Variants in DPP10 observed in about 807,000 individuals in gnomAD.
DPP10 encodes the protein inactive dipeptidyl peptidase 10.
Under a neutral mutation model 120.9 loss-of-function variants are expected in DPP10, and 33 were observed. The observed-to-expected ratio is 0.27, with a 90% CI of 0.21 to 0.37. The LOEUF is 0.37. Among genes scored for constraint, DPP10 ranks in the 10% least tolerant of loss-of-function variants. The pLI, the probability that DPP10 is intolerant of heterozygous loss-of-function variation, is 1.00. For synonymous variants in DPP10, 337 were observed against 326.1 expected (o/e 1.03, Z -0.36); for missense variants, 816 against 942.8 (o/e 0.87, Z 1.76).
intron 1 of DPP10, among the ~76,000 whole-genome samples, chr2:114,598,682 T>C (rs890527205): frequency 7.2e-5 from 11 of 151,854 alleles, no homozygotes; most frequent in Non-Finnish European, 1.0e-4. Flanking sequence ...TCAAATAAGA[T>C]GTGAACTGGA....
chr2:114,867,477 G>A (rs920734662), intron 1 of DPP10, among the ~76,000 whole-genome samples: 6 of 152,032 alleles, frequency 3.9e-5, no homozygotes, highest in African/African-American at 1.4e-4. Context: ...CTAGGTAGAA[G>A]GTGTCATCCA....
chr2:115,293,827 A>G (rs993965703), intron 1 of DPP10, among the ~76,000 whole-genome samples: 1 of 152,084 alleles, frequency 6.6e-6, no homozygotes, highest in Admixed American at 6.6e-5. Flanking sequence ...GCCTGAATCA[A>G]CATGGACATC....
intron 5 of DPP10, among the ~76,000 whole-genome samples, chr2:115,631,776 C>T (rs539764154): frequency 3.3e-5 from 5 of 152,138 alleles, no homozygotes; most frequent in Non-Finnish European, 5.9e-5. Flanking sequence ...GTCTGAGAGA[C>T]TGGTTGTTAT....
chr2:115,738,036 A>C (rs570164886), intron 8 of DPP10, among the ~76,000 whole-genome samples: 1 of 152,298 alleles, frequency 6.6e-6, no homozygotes, highest in African/African-American at 2.4e-5. Context: ...GCAGCATTCA[A>C]CCATAATGTG....
intron 1 of DPP10, among the ~76,000 whole-genome samples, chr2:115,034,758 T>C (rs1704108111): frequency 6.6e-6 from 1 of 152,238 alleles, no homozygotes; most frequent in Non-Finnish European, 1.5e-5. Context: ...TATATCCAAC[T>C]GAACTCCCGT....
At chr2:114,541,124 C>A (rs1344865735) in intron 1 of DPP10, among the ~76,000 whole-genome samples, 3 of 152,164 alleles carry the variant, frequency 2.0e-5, no homozygotes, top group Non-Finnish European at 2.9e-5. Context: ...GCTTCTCTGG[C>A]AGGGGTTGTG....
intron 19 of DPP10, among the ~76,000 whole-genome samples, chr2:115,803,151 C>G (rs1410048788): frequency 6.6e-6 from 1 of 152,142 alleles, no homozygotes; most frequent in Non-Finnish European, 1.5e-5. Flanking sequence ...ATAGTTAGTT[C>G]TTCTTGTTGA....
intron 1 of DPP10, among the ~76,000 whole-genome samples, chr2:114,632,470 G>T (rs1332798275): frequency 9.6e-5 from 9 of 93,656 alleles, no homozygotes; most frequent in African/African-American, 2.4e-4. Flanking sequence ...CTTTTCTTTT[G>T]TTTGAGCATA....
At chr2:114,584,483 G>T (rs1690783819) in intron 1 of DPP10, among the ~76,000 whole-genome samples, 1 of 151,424 alleles carries the variant, frequency 6.6e-6, no homozygotes, top group South Asian at 2.1e-4. Context: ...CCATGTTGGT[G>T]TGCTGCACCC....
intron 1 of DPP10, among the ~76,000 whole-genome samples, chr2:114,526,692 C>T (rs1685527693): frequency 6.6e-6 from 1 of 152,052 alleles, no homozygotes; most frequent in Non-Finnish European, 1.5e-5. Flanking sequence ...CTTACTGTGT[C>T]CTCGCATGAT....
At chr2:114,954,721 GA>G (rs926953281) in intron 1 of DPP10, among the ~76,000 whole-genome samples, 3 of 151,456 alleles carry the variant, frequency 2.0e-5, no homozygotes, top group Admixed American at 6.6e-5. Flanking sequence ...GCCAGACTAA[GA>G]AAAAAATATA....
intron 3 of DPP10, among the ~76,000 whole-genome samples, chr2:115,430,567 G>C (rs2070881040): frequency 6.6e-6 from 1 of 152,122 alleles, no homozygotes; most frequent in Non-Finnish European, 1.5e-5. Flanking sequence ...CAGAAATAAA[G>C]TAGATCAGGT....
At chr2:115,065,258 T>C (rs889267623) in intron 1 of DPP10, among the ~76,000 whole-genome samples, 5 of 152,220 alleles carry the variant, frequency 3.3e-5, no homozygotes, top group African/African-American at 1.2e-4. Flanking sequence ...TAGAGTTTTT[T>C]AATTACTTTT....
chr2:115,162,334 G>A, intron 1 of DPP10: 1 of 1,450,446 alleles, frequency 6.9e-7, no homozygotes, highest in South Asian at 1.4e-5. Context: ...GGGAGAGGCG[G>A]CCGGGACCAA....
intron 1 of DPP10, among the ~76,000 whole-genome samples, chr2:115,069,033 G>A (rs75584148): frequency 0.012 from 1,790 of 152,088 alleles, 28 homozygotes; most frequent in African/African-American, 0.041. Context: ...GATTACTTTT[G>A]ACTGTTTGGA....
chr2:114,494,401 C>T (rs1323587975), intron 1 of DPP10, among the ~76,000 whole-genome samples: 1 of 152,126 alleles, frequency 6.6e-6, no homozygotes, highest in Non-Finnish European at 1.5e-5. Flanking sequence ...AGATGAAACT[C>T]ACTTGAGCTG....
intron 1 of DPP10, among the ~76,000 whole-genome samples, chr2:114,614,699 T>A (rs141565497): frequency 6.6e-6 from 1 of 152,304 alleles, no homozygotes; most frequent in African/African-American, 2.4e-5. Flanking sequence ...GAAGTTCCAA[T>A]AACATTGTGA....
intron 5 of DPP10, among the ~76,000 whole-genome samples, chr2:115,613,771 C>T (rs181613400): frequency 6.6e-6 from 1 of 152,206 alleles, no homozygotes; most frequent in African/African-American, 2.4e-5. Context: ...GATTTCAGTA[C>T]AAAGAGATTA....
intron 1 of DPP10, among the ~76,000 whole-genome samples, chr2:114,793,180 G>A (rs1558746942): frequency 6.6e-6 from 1 of 152,024 alleles, no homozygotes; most frequent in South Asian, 2.1e-4. Flanking sequence ...TAAGTTCTGG[G>A]ATACATGTGC....
Sources: gnomAD v4.1 joint callset for allele counts (sites outside exome capture counted in the v4.1 genomes callset) on GRCh38, gnomAD v4.1.1 for gene constraint, MANE v1.5 for transcripts, NCBI Gene and HGNC (gene_info 2026-07-23, HGNC 2026-07-21) for gene names.